Variants in MAGI1 observed in about 807,000 individuals in gnomAD.
The protein encoded by MAGI1 is membrane associated guanylate kinase, WW and PDZ domain containing 1, also known as membrane-associated guanylate kinase, WW and PDZ domain-containing protein 1.
MAGI1 carries 58 observed loss-of-function variants against 139.9 expected under a neutral mutation model. The observed-to-expected ratio is 0.41, with a 90% CI of 0.34 to 0.52. The LOEUF (loss-of-function observed/expected upper bound fraction) is 0.52, where lower values mean the gene tolerates loss of function less well. MAGI1 is among the 20% of genes least tolerant of loss of function. The probability of loss-of-function intolerance (pLI) is 0.12; values close to 1 mark genes in which losing one functional copy is unlikely to be tolerated. For synonymous variants in MAGI1, 812 were observed against 737.9 expected, an observed-to-expected ratio of 1.10 and a Z score of -1.63; for missense variants, 1,874 against 1,901.6, an observed-to-expected ratio of 0.99 and a Z score of 0.27.
chr3:65,474,211 G>C (rs537356426), intron 4 of MAGI1, among the ~76,000 whole-genome samples: 1 of 152,272 alleles, frequency 6.6e-6, no homozygotes, highest in African/African-American at 2.4e-5. Flanking sequence ...GCTGCAGTGA[G>C]CTGTGATTGA....
At chr3:65,694,267 AC>A (rs2088945745) in intron 1 of MAGI1, among the ~76,000 whole-genome samples, 1 of 152,222 alleles carries the variant, frequency 6.6e-6, no homozygotes, top group African/African-American at 2.4e-5. Context: ...TCATATAAAT[AC>A]TTAAGAAGTG....
At chr3:65,697,442 T>C (rs1397742624) in intron 1 of MAGI1, among the ~76,000 whole-genome samples, 6 of 144,852 alleles carry the variant, frequency 4.1e-5, no homozygotes, top group African/African-American at 1.6e-4. Flanking sequence ...TTTAGACCAA[T>C]ATCCTTGATG....
At chr3:65,780,167 GTA>G (rs2108001144) in intron 1 of MAGI1, among the ~76,000 whole-genome samples, 1 of 152,200 alleles carries the variant, frequency 6.6e-6, no homozygotes, top group East Asian at 1.9e-4. Context: ...TGGACTACAA[GTA>G]TGCACCACCA....
At chr3:65,966,398 T>C (rs1208082086) in intron 1 of MAGI1, among the ~76,000 whole-genome samples, 1 of 152,080 alleles carries the variant, frequency 6.6e-6, no homozygotes, top group African/African-American at 2.4e-5. Flanking sequence ...TAATAAATAA[T>C]AGTTAGGTGC....
chr3:65,453,888 G>C lies in MAGI1; in HGVS notation c.960-548C>G, dbSNP rs568410802. ...TAAATTATGCTTTGGACATAATGAAGGCAGCCCCAAATTACTCGTCATAAA... is the reference window on the plus strand; with the variant it reads ...TAAATTATGCTTTGGACATAATGAACGCAGCCCCAAATTACTCGTCATAAA... On this transcript the variant is annotated intron_variant, in intron 5 of 22. Coordinates refer to ENST00000402939, the MANE Select transcript of MAGI1 (RefSeq NM_001033057.2). Among the ~76,000 whole-genome samples, 7 of 152,174 alleles carry C rather than the reference G, an allele frequency of 4.6e-5. No homozygotes were observed. The South Asian group carries it at 8.3e-4, about 18-fold the overall frequency.
At chr3:65,589,355 T>C (rs958687658) in intron 2 of MAGI1, among the ~76,000 whole-genome samples, 12 of 152,172 alleles carry the variant, frequency 7.9e-5, no homozygotes, top group Non-Finnish European at 1.6e-4. Flanking sequence ...CCCACTTGCA[T>C]GCCCCTTGTG....
At chr3:65,597,716 G>A (rs1228687806) in intron 2 of MAGI1, 1 of 456,708 alleles carries the variant, frequency 2.2e-6, no homozygotes, top group Non-Finnish European at 4.4e-6. Context: ...CCGCCTGCCT[G>A]TCCCCAGGCT....
At chr3:66,001,322 C>A (rs1011937990) in intron 1 of MAGI1, among the ~76,000 whole-genome samples, 1 of 151,782 alleles carries the variant, frequency 6.6e-6, no homozygotes, top group Non-Finnish European at 1.5e-5. Context: ...TTTGAATATT[C>A]AAAAAAGATA....
intron 2 of MAGI1, among the ~76,000 whole-genome samples, chr3:65,583,231 C>A (rs963355875): frequency 1.3e-5 from 2 of 152,148 alleles, no homozygotes; most frequent in East Asian, 3.9e-4. Context: ...AGCACCTTCT[C>A]TCCCAAGTTG....
chr3:65,766,153 T>C (rs892663645), intron 1 of MAGI1, among the ~76,000 whole-genome samples: 2 of 152,210 alleles, frequency 1.3e-5, no homozygotes, highest in Non-Finnish European at 2.9e-5. Context: ...GCTCTTTCTA[T>C]ATATAAGGCA....
Position 65,917,668 on chromosome 3 carries a change from A to G in MAGI1, c.313+120328T>C, listed in dbSNP as rs147764941. Among the ~76,000 whole-genome samples, 427 of 152,326 alleles carry G rather than the reference A, an allele frequency of 2.8e-3. 1 individual carries two copies. The highest frequency in any genetic ancestry group is 9.4e-3 in the African/African-American group (392 of 41,582). ...AGGAAACTTACAAATGCATAGTGCT[A>G]AGTGAAAGAAGCCAATGTGAAACGG... is the stretch of plus-strand genomic sequence containing the variant. On this transcript the variant is annotated intron_variant, in intron 1 of 22. Transcript: ENST00000402939.
At chr3:65,894,559 T>C (rs922484201) in intron 1 of MAGI1, among the ~76,000 whole-genome samples, 2 of 152,228 alleles carry the variant, frequency 1.3e-5, no homozygotes, top group Non-Finnish European at 2.9e-5. Context: ...TGTCAAATGT[T>C]AGCATTTTCT....
intron 5 of MAGI1, among the ~76,000 whole-genome samples, chr3:65,461,187 G>A (rs950932395): frequency 6.6e-5 from 10 of 151,678 alleles, no homozygotes; most frequent in African/African-American, 2.2e-4. Context: ...CATCTCTCTG[G>A]CATCTGTTGT....
At chr3:65,769,216 C>T (rs1431939994) in intron 1 of MAGI1, among the ~76,000 whole-genome samples, 2 of 152,048 alleles carry the variant, frequency 1.3e-5, no homozygotes, top group Non-Finnish European at 2.9e-5. Context: ...CAAATGATTA[C>T]TTAGGTATAT....
intron 1 of MAGI1, among the ~76,000 whole-genome samples, chr3:66,012,512 AGACAACCAT>A (rs2067374376): frequency 6.6e-6 from 1 of 152,156 alleles, no homozygotes; most frequent in Non-Finnish European, 1.5e-5. Context: ...AGATAAAAAC[AGACAACCAT>A]TTGGGAGCCT....
chr3:65,816,280 T>C (rs2108226262), intron 1 of MAGI1, among the ~76,000 whole-genome samples: 1 of 149,758 alleles, frequency 6.7e-6, no homozygotes, highest in South Asian at 2.1e-4. Context: ...AACAGGACTA[T>C]CCAAAAAAAA....
At chr3:65,672,553 T>G (rs1483861451) in intron 1 of MAGI1, among the ~76,000 whole-genome samples, 1 of 152,044 alleles carries the variant, frequency 6.6e-6, no homozygotes, top group Non-Finnish European at 1.5e-5. Flanking sequence ...AAAGTAAAAA[T>G]AGGAACAATC....
At chr3:65,595,540 T>G (rs1383174464) in intron 2 of MAGI1, among the ~76,000 whole-genome samples, 1 of 152,064 alleles carries the variant, frequency 6.6e-6, no homozygotes, top group African/African-American at 2.4e-5. Flanking sequence ...GGGGGTGGTT[T>G]CATATCAAAC....
chr3:65,592,232 G>A (rs2082000932), intron 2 of MAGI1, among the ~76,000 whole-genome samples: 2 of 152,162 alleles, frequency 1.3e-5, no homozygotes, highest in African/African-American at 2.4e-5. Flanking sequence ...CCTAACAAAA[G>A]TAGGTTCCAA....
Sources: allele counts gnomAD v4.1 joint callset (sites outside exome capture counted in the v4.1 genomes callset), GRCh38; gene constraint gnomAD v4.1.1; transcripts MANE v1.5; gene names NCBI Gene and HGNC (gene_info 2026-07-23, HGNC 2026-07-21).